Variants in PARM1 observed in about 807,000 individuals in gnomAD.
PARM1 encodes the protein prostate androgen-regulated mucin-like protein 1.
In PARM1, 14 loss-of-function variants were observed where a neutral mutation model predicts 24.6. The ratio of observed to expected loss-of-function variants is 0.57; its 90% CI spans 0.38 to 0.89. The LOEUF (loss-of-function observed/expected upper bound fraction) is 0.89. Ranked by LOEUF, PARM1 falls within the 40% of genes least tolerant of loss-of-function variation. The pLI, the probability that PARM1 is intolerant of heterozygous loss-of-function variation, is 0.00. For missense variants in PARM1, 362 were observed against 380.4 expected (o/e 0.95, Z 0.40); for synonymous variants, 179 against 156.6 (o/e 1.14, Z -1.07).
chr4:74,973,354 C>CT, intron 1 of PARM1, among the ~76,000 whole-genome samples: 1 of 152,268 alleles, frequency 6.6e-6, no homozygotes, highest in South Asian at 2.1e-4. Context: ...TATGAACAGA[C>CT]TTTTAAGGTG....
intron 1 of PARM1, among the ~76,000 whole-genome samples, chr4:75,006,253 A>G (rs1722765959): frequency 6.6e-6 from 1 of 151,794 alleles, no homozygotes; most frequent in African/African-American, 2.4e-5. Context: ...TTAACTTGTC[A>G]TTTACATTAG....
chr4:75,039,139 T>A lies in PARM1; in HGVS notation c.848+5178T>A, dbSNP rs1723428264. On this transcript the variant is annotated intron_variant, in intron 3 of 3. Coordinates refer to ENST00000307428, the MANE Select transcript of PARM1 (RefSeq NM_015393.4). Reference sequence around the variant, plus strand: ...GTTATACACAGTTGACTTTTTCAGGTCACCTTTTGGAGTTCTGTAGGTCTT... The same window carrying A: ...GTTATACACAGTTGACTTTTTCAGGACACCTTTTGGAGTTCTGTAGGTCTT... Among the ~76,000 whole-genome samples the A allele has an allele frequency of 5.3e-5, 8 of 152,206 alleles. 1 individual carries two copies. In the South Asian group the frequency reaches 1.7e-3, roughly 31 times the overall value.
intron 2 of PARM1, among the ~76,000 whole-genome samples, chr4:75,023,720 G>A (rs998349383): frequency 6.6e-6 from 1 of 152,156 alleles, no homozygotes; most frequent in Admixed American, 6.5e-5. Context: ...AAAGAAAAGT[G>A]TTAAAGAGTC....
intron 1 of PARM1, among the ~76,000 whole-genome samples, chr4:74,961,004 CAA>C (rs1161009878): frequency 9.4e-5 from 9 of 95,536 alleles, no homozygotes; most frequent in Admixed American, 1.1e-4. Context: ...GACTCCGTCT[CAA>C]AAAAAAAAAA....
chr4:75,031,166 A>G (rs1723268142), intron 2 of PARM1, among the ~76,000 whole-genome samples: 1 of 152,222 alleles, frequency 6.6e-6, no homozygotes. Context: ...TTAGGGCCAG[A>G]TAAAGGTTTT....
intron 1 of PARM1, among the ~76,000 whole-genome samples, chr4:74,958,275 G>A (rs1721686793): frequency 6.6e-6 from 1 of 152,060 alleles, no homozygotes; most frequent in Admixed American, 6.5e-5. Context: ...TTGAACTAGG[G>A]ATATACAAAA....
At position 75,012,817 on chromosome 4, in the gene PARM1, C is replaced by T. The variant is rs1311329370; in HGVS notation, c.436C>T (p.Pro146Ser). ...ATLSQSAAEP[P>S]TLISPQAPAS... ...ACTGTCGCAGTCCGCTGCTGAGCCT[C>T]CCACACTCATCTCCCCTCAAGCTCC... Residue 146 changes from proline to serine, a missense_variant, in exon 2 of 4, where the codon CCC (proline) becomes TCC (serine). Coordinates refer to ENST00000307428, the MANE Select transcript of PARM1 (RefSeq NM_015393.4). The T allele has an allele frequency of 6.2e-7, 1 of 1,613,948 alleles. No homozygotes were observed.
chr4:74,995,855 C>G (rs1390539607), intron 1 of PARM1, among the ~76,000 whole-genome samples: 1 of 152,082 alleles, frequency 6.6e-6, no homozygotes, highest in African/African-American at 2.4e-5. Context: ...TCACATCACC[C>G]CTTGGTTCAA....
rs180986949 is a variant in PARM1 at position 75,034,035 on chromosome 4, A to G, written c.848+74A>G. 4 of 1,217,900 alleles carry G rather than the reference A, an allele frequency of 3.3e-6. No individual in the cohort carries two copies. The Admixed American group carries it at 8.6e-5, about 26-fold the overall frequency. The allele number at this position is 1,217,900 out of a possible 1,614,324, so 75.4% of individuals were successfully genotyped here. Reference sequence around the variant, plus strand: ...TCTGGGCTGAGCGCTGTTTTGCTGGATACTTGTTCCTTAATAGGTATCTTA... The same window carrying G: ...TCTGGGCTGAGCGCTGTTTTGCTGGGTACTTGTTCCTTAATAGGTATCTTA... On this transcript the variant is annotated intron_variant, in intron 3 of 3. Coordinates refer to ENST00000307428, the MANE Select transcript of PARM1 (RefSeq NM_015393.4).
intron 1 of PARM1, among the ~76,000 whole-genome samples, chr4:74,947,125 C>T (rs926487961): frequency 6.6e-6 from 1 of 152,172 alleles, no homozygotes; most frequent in African/African-American, 2.4e-5. Context: ...GAGTGTGATG[C>T]ACTCAGGTAC....
chr4:75,008,304 A>G (rs558800206), intron 1 of PARM1, among the ~76,000 whole-genome samples: 52 of 152,332 alleles, frequency 3.4e-4, no homozygotes, highest in African/African-American at 1.2e-3. Context: ...AGCTATGGGA[A>G]ATGAATGACC....
chr4:75,021,264 C>T (rs1329028043), intron 2 of PARM1, among the ~76,000 whole-genome samples: 2 of 152,170 alleles, frequency 1.3e-5, no homozygotes, highest in African/African-American at 4.8e-5. Flanking sequence ...AAGACATCCC[C>T]TCGGATGCCT....
At chr4:75,027,936 C>A (rs555115438) in intron 2 of PARM1, among the ~76,000 whole-genome samples, 1 of 152,310 alleles carries the variant, frequency 6.6e-6, no homozygotes, top group East Asian at 1.9e-4. Flanking sequence ...CCCAGGGTGG[C>A]AGGAGAGCCT....
intron 1 of PARM1, among the ~76,000 whole-genome samples, chr4:74,939,749 G>A (rs1721266194): frequency 6.6e-6 from 1 of 152,174 alleles, no homozygotes; most frequent in South Asian, 2.1e-4. Flanking sequence ...CAATTGAACT[G>A]TGGTGGATAT....
At chr4:74,956,219 T>TG (rs1273149203) in intron 1 of PARM1, 1 of 152,176 alleles carries the variant, frequency 6.6e-6, no homozygotes, top group Non-Finnish European at 1.5e-5. Context: ...AGTGCAGAGT[T>TG]AGAACTCGAT....
chr4:75,019,616 A>G (rs1483106853), intron 2 of PARM1, among the ~76,000 whole-genome samples: 1 of 152,260 alleles, frequency 6.6e-6, no homozygotes, highest in Non-Finnish European at 1.5e-5. Context: ...CATACCTGCA[A>G]GGGACTTTCA....
At position 75,049,586 on chromosome 4, in the gene PARM1, ATAGGTC is replaced by A. The variant is rs949070819; in HGVS notation, c.*3341_*3346del. The A allele has an allele frequency of 1.3e-5, 2 of 152,686 alleles. No individual in the cohort carries two copies. The highest frequency in any genetic ancestry group is 2.9e-5 in the Non-Finnish European group (2 of 68,060). 9.5% of individuals were successfully genotyped at this position (152,686 alleles called of 1,614,324 possible). On this transcript the variant is annotated 3_prime_UTR_variant, in exon 4 of 4. Coordinates refer to ENST00000307428, the MANE Select transcript of PARM1 (RefSeq NM_015393.4). ...TCTAGATGAAAGGATGGCCTAGGAC[ATAGGTC>A]TCAAAGACTCTTGGATCAGAATCAG...
At chr4:75,032,086 A>G (rs1723286447) in intron 2 of PARM1, among the ~76,000 whole-genome samples, 1 of 152,200 alleles carries the variant, frequency 6.6e-6, no homozygotes, top group Admixed American at 6.5e-5. Context: ...CTGTCTTTAC[A>G]ATAGTAAAAA....
At chr4:74,945,468 G>A (rs796121063) in intron 1 of PARM1, among the ~76,000 whole-genome samples, 5 of 152,270 alleles carry the variant, frequency 3.3e-5, no homozygotes, top group African/African-American at 1.2e-4. Context: ...TTTTAGAGAA[G>A]CAAATAACCT....
Sources: allele counts gnomAD v4.1 joint callset (sites outside exome capture counted in the v4.1 genomes callset), GRCh38; gene constraint gnomAD v4.1.1; transcripts MANE v1.5; gene names NCBI Gene and HGNC (gene_info 2026-07-23, HGNC 2026-07-21).